GPR107: variants seen among roughly 807,000 people sequenced by gnomAD.
The protein encoded by GPR107 is G protein-coupled receptor 107.
A neutral mutation model predicts 75.5 loss-of-function variants in GPR107; 31 were observed. The observed-to-expected ratio is 0.41, with a 90% CI of 0.31 to 0.55. The LOEUF (loss-of-function observed/expected upper bound fraction) is 0.55, where lower values mean the gene tolerates loss of function less well. Among genes scored for constraint, GPR107 ranks in the 20% least tolerant of loss-of-function variants. The probability of loss-of-function intolerance (pLI) is 0.26; values close to 1 mark genes in which losing one functional copy is unlikely to be tolerated. For missense variants in GPR107, 572 were observed against 665.7 expected (o/e 0.86, Z 1.55); for synonymous variants, 267 against 251.3 (o/e 1.06, Z -0.59).
rs554525041 is a variant in GPR107 at position 130,090,784 on chromosome 9, A to C, written c.622-92A>C. The C allele has an allele frequency of 7.2e-6, 4 of 557,102 alleles. No homozygotes were observed. In the South Asian group the frequency reaches 7.9e-5, roughly 11 times the overall value. 34.5% of individuals were successfully genotyped at this position (557,102 alleles called of 1,614,324 possible). On this transcript the variant is annotated intron_variant, in intron 7 of 17. Coordinates refer to ENST00000347136, the MANE Select transcript of GPR107 (RefSeq NM_020960.5). ...ATAGCTGAGTAGAATTTGAACAAAA[A>C]AGTAAACAATACTTTAAAAGAAAAA...
intron 6 of GPR107, among the ~76,000 whole-genome samples, chr9:130,084,405 T>TAA (rs11331231): frequency 7.3e-6 from 1 of 136,632 alleles, no homozygotes. Context: ...CAAAAAAAGT[T>TAA]AAAAAAAAAA....
At chr9:130,058,717 G>A (rs1829854978) in intron 1 of GPR107, among the ~76,000 whole-genome samples, 1 of 152,116 alleles carries the variant, frequency 6.6e-6, no homozygotes, top group Non-Finnish European at 1.5e-5. Flanking sequence ...CGCCCGCCTC[G>A]GCCTCCCAAA....
At position 130,076,440 on chromosome 9, in the gene GPR107, A is replaced by G. The variant is rs750773559; in HGVS notation, c.284A>G (p.Asn95Ser). The stretch of plus-strand genomic sequence containing the variant: ...GGATTTAGCCTAGACCGTACAAAGA[A>G]TGATGGCTTTTCTTCTTACCTGGTG... ...TIGFSLDRTK[N>S]DGFSSYLDED... Residue 95 changes from asparagine (N) to serine (S), a missense_variant, in exon 3 of 18, where the codon AAT becomes AGT. Asn to Ser is a conservative substitution (Grantham distance 46). Transcript: ENST00000347136. The G allele has an allele frequency of 4.4e-6, 7 of 1,585,004 alleles. No individual in the cohort carries two copies. Among genetic ancestry groups the G allele is most frequent in the Middle Eastern group, 1.7e-4 (1 of 6,026 alleles).
intron 1 of GPR107, among the ~76,000 whole-genome samples, chr9:130,064,445 C>T (rs1830019463): frequency 2.0e-5 from 3 of 149,806 alleles, no homozygotes; most frequent in Admixed American, 2.0e-4. Context: ...CATGATCCAC[C>T]CGCCTCGGCC....
At chr9:130,066,223 C>T (rs754866183) in intron 1 of GPR107, among the ~76,000 whole-genome samples, 12 of 151,980 alleles carry the variant, frequency 7.9e-5, no homozygotes, top group South Asian at 2.1e-4. Flanking sequence ...CGCTTGAACC[C>T]GGGAGGCAGA....
Position 130,135,081 on chromosome 9 carries a change from G to A in GPR107, c.1619G>A (p.Gly540Asp). 1 of 1,610,932 alleles carries A rather than the reference G, an allele frequency of 6.2e-7. No homozygotes were observed. The highest frequency in any genetic ancestry group is 1.3e-5 in the African/African-American group (1 of 75,016). ...SMKKVKKVTN[G>D]SVEPQGEWEG... ...AAGAAAGTCAAGAAGGTGACCAACG[G>A]CTCCGTGGAGCCCCAGGGCGAGTGG... The change falls in exon 18 of 18, where the codon GGC becomes GAC. Residue 540 changes from glycine to aspartate, a missense_variant. By Grantham distance (94) the Gly-to-Asp change is moderately conservative. Coordinates refer to ENST00000347136, the MANE Select transcript of GPR107 (RefSeq NM_020960.5).
intron 1 of GPR107, among the ~76,000 whole-genome samples, chr9:130,063,464 A>G (rs1347234642): frequency 6.6e-6 from 1 of 152,252 alleles, no homozygotes; most frequent in Non-Finnish European, 1.5e-5. Flanking sequence ...TGCTGGGATT[A>G]CAGGCATGAG....
intron 1 of GPR107, among the ~76,000 whole-genome samples, chr9:130,066,931 A>G (rs2132544949): frequency 6.6e-6 from 1 of 151,864 alleles, no homozygotes; most frequent in Non-Finnish European, 1.5e-5. Flanking sequence ...GCTTGCAGTG[A>G]GCCGAGATGG....
At position 130,114,292 on chromosome 9, in the gene GPR107, C is replaced by T. The variant is rs575459103; in HGVS notation, c.1306+6753C>T. Among the ~76,000 whole-genome samples, 3 of 152,030 alleles carry T rather than the reference C, an allele frequency of 2.0e-5. No individual in the cohort carries two copies. In the South Asian group the frequency reaches 6.2e-4, roughly 32 times the overall value. On this transcript the variant is annotated intron_variant, in intron 14 of 17. Coordinates refer to ENST00000347136, the MANE Select transcript of GPR107 (RefSeq NM_020960.5). The stretch of plus-strand genomic sequence containing the variant: ...GCTGAGGTAGAAGGATTGCTTGAAC[C>T]CGGGAGGCGGAGTTTGCAGTGAATT...
At chr9:130,086,823 G>A (rs1564668573) in intron 7 of GPR107, among the ~76,000 whole-genome samples, 1 of 152,064 alleles carries the variant, frequency 6.6e-6, no homozygotes, top group Non-Finnish European at 1.5e-5. Context: ...ACCCCATTCT[G>A]AAAGGACCAT....
At chr9:130,071,621 A>T (rs1830214193) in intron 1 of GPR107, among the ~76,000 whole-genome samples, 1 of 151,786 alleles carries the variant, frequency 6.6e-6, no homozygotes, top group Admixed American at 6.6e-5. Context: ...TTCTTGGAAG[A>T]CTCTGAAAAC....
intron 14 of GPR107, among the ~76,000 whole-genome samples, chr9:130,113,629 A>C (rs1831356654): frequency 6.6e-6 from 1 of 152,226 alleles, no homozygotes; most frequent in Admixed American, 6.5e-5. Flanking sequence ...TGTATCTGGG[A>C]GATCTACATA....
At position 130,136,483 on chromosome 9, in the gene GPR107, C is replaced by G. The variant is rs2132666181; in HGVS notation, c.*1362C>G. On this transcript the variant is annotated 3_prime_UTR_variant, in exon 18 of 18. Coordinates refer to ENST00000347136, the MANE Select transcript of GPR107 (RefSeq NM_020960.5). ...TTGCTTCCAAAAGCTGGAGCCCACC[C>G]CTGCCTAGGGGTTGTCAGAGAGCCA... 6.6e-6 allele frequency: 1 copy of G among 152,284 alleles called. No individual in the cohort carries two copies. Among genetic ancestry groups the G allele is most frequent in the East Asian group, 1.9e-4 (1 of 5,178 alleles). The allele number at this position is 152,284 out of a possible 1,614,324, so 9.4% of individuals were successfully genotyped here.
chr9:130,082,045 G>A (rs1433630115), intron 5 of GPR107, among the ~76,000 whole-genome samples: 1 of 152,166 alleles, frequency 6.6e-6, no homozygotes, highest in African/African-American at 2.4e-5. Flanking sequence ...GGCGAGAGCA[G>A]GAGCAAGAGA....
chr9:130,074,445 A>G (rs867554269), intron 1 of GPR107, among the ~76,000 whole-genome samples: 3 of 152,200 alleles, frequency 2.0e-5, no homozygotes, highest in Non-Finnish European at 2.9e-5. Context: ...CCAAATCTCA[A>G]TATAAAAATT....
chr9:130,061,425 A>G (rs905854047), intron 1 of GPR107, among the ~76,000 whole-genome samples: 2 of 152,198 alleles, frequency 1.3e-5, no homozygotes, highest in African/African-American at 4.8e-5. Context: ...GCAGAGGAAC[A>G]GGAAGTGCAA....
intron 14 of GPR107, among the ~76,000 whole-genome samples, chr9:130,115,720 A>AC (rs1313791146): frequency 3.5e-5 from 5 of 144,776 alleles, no homozygotes; most frequent in Non-Finnish European, 1.5e-5. Context: ...CTGAGATCGC[A>AC]CCACTGCACT....
rs149562919 is a variant in GPR107, at chr9:130,135,550, G to A, written c.*429G>A. ...TGATGCTTTAGGAAATGTCTACTGA[G>A]GACCCTGGGACTTAAGAAGAAGGGC... On this transcript the variant is annotated 3_prime_UTR_variant, in exon 18 of 18. Transcript: ENST00000347136. 1 of 156,302 alleles carries A rather than the reference G, an allele frequency of 6.4e-6. No individual in the cohort carries two copies. Among genetic ancestry groups the A allele is most frequent in the African/African-American group, 2.4e-5 (1 of 41,588 alleles). The allele number at this position is 156,302 out of a possible 1,614,324, so 9.7% of individuals were successfully genotyped here. A position where few individuals can be genotyped will look rare whatever the true frequency, so the allele number is the denominator to read the frequency against.
rs373133794 is a variant in GPR107 at position 130,114,540 on chromosome 9, G to A, written c.1306+7001G>A. The A allele has an allele frequency of 1.2e-4, 51 of 430,356 alleles. No individual in the cohort carries two copies. In the East Asian group the frequency reaches 3.5e-3, roughly 30 times the overall value. 26.7% of individuals were successfully genotyped at this position (430,356 alleles called of 1,614,324 possible). A position where few individuals can be genotyped will look rare whatever the true frequency, so the allele number is the denominator to read the frequency against. ...TGGAATTACAGGCATGCACTACCAT[G>A]CCTCACTAATTTTTAAAATTTTTTT... On this transcript the variant is annotated intron_variant, in intron 14 of 17. Transcript: ENST00000347136.
Sources: gnomAD v4.1 joint callset for allele counts (sites outside exome capture counted in the v4.1 genomes callset) on GRCh38, gnomAD v4.1.1 for gene constraint, MANE v1.5 for transcripts, NCBI Gene and HGNC (gene_info 2026-07-23, HGNC 2026-07-21) for gene names.